Variants in DAB1 observed in about 807,000 individuals in gnomAD.
DAB1 encodes the protein disabled homolog 1.
A neutral mutation model predicts 64.6 loss-of-function variants in DAB1; 15 were observed. The ratio of observed to expected loss-of-function variants is 0.23; its 90% CI spans 0.16 to 0.36. DAB1 has a LOEUF of 0.36. Among genes scored for constraint, DAB1 ranks in the 10% least tolerant of loss-of-function variants. DAB1 has a pLI of 1.00. For synonymous variants in DAB1, 235 were observed against 251.9 expected, an observed-to-expected ratio of 0.93 and a Z score of 0.64; for missense variants, 596 against 706.7, an observed-to-expected ratio of 0.84 and a Z score of 1.78.
intron 5 of DAB1, among the ~76,000 whole-genome samples, chr1:57,984,177 C>A: frequency 1.4e-5 from 1 of 70,116 alleles, no homozygotes. Context: ...CCAGGACTAG[C>A]TTAAAAAAAA....
chr1:57,533,786 G>A (rs141166058), intron 7 of DAB1, among the ~76,000 whole-genome samples: 1,791 of 151,804 alleles, frequency 0.012, 45 homozygotes, highest in African/African-American at 0.041. Context: ...TTTTATATAC[G>A]GAGCAGGGAC....
chr1:58,445,456 C>A (rs563727904), intron 3 of DAB1, among the ~76,000 whole-genome samples: 1 of 152,318 alleles, frequency 6.6e-6, no homozygotes, highest in South Asian at 2.1e-4. Context: ...CTGTCCCCAC[C>A]CTGCCTAGCA....
upstream of DAB1, among the ~76,000 whole-genome samples, chr1:57,888,719 T>G (rs554614338): frequency 1.3e-5 from 2 of 152,316 alleles, no homozygotes; most frequent in African/African-American, 4.8e-5. Flanking sequence ...TCCTTGTGTT[T>G]TATCGCCAAT....
chr1:58,088,995 A>G (rs775170120), intron 5 of DAB1, among the ~76,000 whole-genome samples: 1 of 152,218 alleles, frequency 6.6e-6, no homozygotes, highest in Non-Finnish European at 1.5e-5. Flanking sequence ...GCATTGTGAT[A>G]CCTTAGCATT....
intron 5 of DAB1, among the ~76,000 whole-genome samples, chr1:57,975,933 G>A (rs1645908547): frequency 6.6e-6 from 1 of 152,094 alleles, no homozygotes; most frequent in African/African-American, 2.4e-5. Context: ...ACCTACTAAG[G>A]GCAGCCAGCA....
At chr1:58,374,320 G>A (rs1213672) in intron 3 of DAB1, among the ~76,000 whole-genome samples, 2 of 118,458 alleles carry the variant, frequency 1.7e-5, no homozygotes, top group African/African-American at 3.1e-5. Context: ...TAGGTCTAAC[G>A]TTTAAATCTT....
chr1:57,322,293 C>T (rs1235416403), intron 1 of DAB1, among the ~76,000 whole-genome samples: 1 of 152,116 alleles, frequency 6.6e-6, no homozygotes, highest in African/African-American at 2.4e-5. Flanking sequence ...TTTGCACTTC[C>T]ATTAACGCAT....
intron 1 of DAB1, among the ~76,000 whole-genome samples, chr1:57,355,445 T>C (rs969906000): frequency 6.6e-6 from 1 of 151,770 alleles, no homozygotes; most frequent in Non-Finnish European, 1.5e-5. Context: ...AGAAAATAAT[T>C]CCCAGGTTGA....
At chr1:57,500,581 T>C (rs1400871841) in intron 7 of DAB1, among the ~76,000 whole-genome samples, 1 of 152,198 alleles carries the variant, frequency 6.6e-6, no homozygotes, top group Non-Finnish European at 1.5e-5. Flanking sequence ...CTCAACAAAT[T>C]CATACATTCA....
At chr1:58,492,948 G>GA (rs1645725147) in intron 3 of DAB1, among the ~76,000 whole-genome samples, 4 of 152,060 alleles carry the variant, frequency 2.6e-5, no homozygotes, top group Non-Finnish European at 5.9e-5. Flanking sequence ...CCAAAGCCTG[G>GA]CAGAGACACA....
intron 4 of DAB1, among the ~76,000 whole-genome samples, chr1:57,118,578 C>G (rs939057517): frequency 6.6e-6 from 1 of 152,152 alleles, no homozygotes; most frequent in Non-Finnish European, 1.5e-5. Context: ...ATGTAGCAGG[C>G]AGGCAGAAGT....
chr1:57,431,857 C>T (rs1438079553), intron 7 of DAB1, among the ~76,000 whole-genome samples: 1 of 152,174 alleles, frequency 6.6e-6, no homozygotes, highest in Non-Finnish European at 1.5e-5. Flanking sequence ...GGCACAGTGG[C>T]TCATGCCTAT....
chr1:57,689,072 G>A (rs2101710261), intron 6 of DAB1, among the ~76,000 whole-genome samples: 1 of 152,222 alleles, frequency 6.6e-6, no homozygotes, highest in East Asian at 1.9e-4. Flanking sequence ...AATAAAAGTT[G>A]AAATTATTTT....
chr1:57,792,256 G>T (rs949037689), intron 6 of DAB1, among the ~76,000 whole-genome samples: 2 of 152,176 alleles, frequency 1.3e-5, no homozygotes, highest in Non-Finnish European at 2.9e-5. Flanking sequence ...ACAATGTGCA[G>T]GTTCCTATTA....
At chr1:57,915,887 C>T (rs1644720011) in intron 5 of DAB1, among the ~76,000 whole-genome samples, 1 of 152,118 alleles carries the variant, frequency 6.6e-6, no homozygotes. Flanking sequence ...TGCCATCAAC[C>T]AGAAACAGCA....
intron 7 of DAB1, among the ~76,000 whole-genome samples, chr1:57,593,310 T>C (rs992170758): frequency 9.9e-5 from 15 of 152,228 alleles, no homozygotes; most frequent in Admixed American, 8.5e-4. Flanking sequence ...TCAAGGTTCA[T>C]CCATGTTATA....
chr1:57,248,594 T>C (rs1380512794), intron 2 of DAB1, among the ~76,000 whole-genome samples: 1 of 152,182 alleles, frequency 6.6e-6, no homozygotes, highest in Non-Finnish European at 1.5e-5. Context: ...TTTCTGAAAA[T>C]TGACTACAAA....
In DAB1 at chr1:57,025,868, C is replaced by T. The variant is rs1047990289; in HGVS notation, c.786+113G>A. Reference sequence around the variant, plus strand: ...AAGTCACACAGCTTGAAAGAGTCAACACTGAAATCCACCAGCAGCCCTCTT... The same window carrying T: ...AAGTCACACAGCTTGAAAGAGTCAATACTGAAATCCACCAGCAGCCCTCTT... On this transcript the variant is annotated intron_variant, in intron 10 of 14. Transcript: ENST00000371236. The T allele has an allele frequency of 5.0e-6, 4 of 794,638 alleles. No homozygotes were observed. In the African/African-American group the frequency reaches 5.4e-5, roughly 11 times the overall value. The allele number at this position is 794,638 out of a possible 1,614,324, so 49.2% of individuals were successfully genotyped here. A position where few individuals can be genotyped will look rare whatever the true frequency, so the allele number is the denominator to read the frequency against.
chr1:57,793,854 C>G (rs1650718699), intron 6 of DAB1, among the ~76,000 whole-genome samples: 1 of 152,130 alleles, frequency 6.6e-6, no homozygotes, highest in Admixed American at 6.5e-5. Flanking sequence ...CCTTGGGGAT[C>G]AGTTTTCTAG....
Sources: allele counts gnomAD v4.1 joint callset (sites outside exome capture counted in the v4.1 genomes callset), GRCh38; gene constraint gnomAD v4.1.1; transcripts MANE v1.5; gene names NCBI Gene and HGNC (gene_info 2026-07-23, HGNC 2026-07-21).